The following MAPRE2 variants were observed in gnomAD, a reference collection of about 807,000 sequenced individuals.
MAPRE2 encodes microtubule associated protein RP/EB family member 2, also known as microtubule-associated protein RP/EB family member 2.
A neutral mutation model predicts 43.2 loss-of-function variants in MAPRE2; 13 were observed. The observed-to-expected ratio is 0.30, with a 90% CI of 0.20 to 0.48. The LOEUF is 0.48. MAPRE2 is among the 20% of genes least tolerant of loss of function. MAPRE2 has a pLI of 0.99. For synonymous variants in MAPRE2, 135 were observed against 148.8 expected, an observed-to-expected ratio of 0.91 and a Z score of 0.68; for missense variants, 161 against 400.2, an observed-to-expected ratio of 0.40 and a Z score of 5.10.
At position 34,985,255 on chromosome 18, in the gene MAPRE2, A is replaced by AATATATTATATT. The variant is rs1482050620; in HGVS notation, c.-70+8181_-70+8182insTTATATTATATA. On this transcript the variant is annotated intron_variant, in intron 1 of 7. Transcript: ENST00000413393. ...ATATATTATATAATATAAAATATAT[A>AATATATTATATT]ATATAATATATTATATAATATAATA... Among the ~76,000 whole-genome samples, 42 of 48,892 alleles carry AATATATTATATT rather than the reference A, an allele frequency of 8.6e-4. 2 individuals carry two copies. The highest frequency in any genetic ancestry group is 4.0e-3 in the African/African-American group (42 of 10,482). 32.1% of individuals were successfully genotyped at this position (48,892 alleles called of 152,430 possible).
chr18:35,084,221 G>T (rs1232961512), intron 2 of MAPRE2, among the ~76,000 whole-genome samples: 2 of 151,974 alleles, frequency 1.3e-5, no homozygotes, highest in Non-Finnish European at 2.9e-5. Context: ...TTGCAGTGAG[G>T]CAAGATTGTG....
chr18:35,102,044 G>A lies in MAPRE2; in HGVS notation c.495G>A (p.Lys165=), dbSNP rs1027318156. 12 of 1,613,340 alleles carry A rather than the reference G, an allele frequency of 7.4e-6. No individual in the cohort carries two copies. The Admixed American group carries it at 1.0e-4, about 13-fold the overall frequency. Residue 165 remains lysine, a synonymous_variant, in exon 4 of 7, where the codon AAG becomes AAA. Transcript: ENST00000300249. ...TCTATGATGCTAACTACGATGGGAA[G>A]GAGTATGATCCTGTAGAGGCACGAC... The part of the protein sequence containing the change: ...KKFYDANYDG[K]EYDPVEARQG...
At chr18:34,995,450 G>A (rs2150576341) in intron 1 of MAPRE2, among the ~76,000 whole-genome samples, 2 of 152,312 alleles carry the variant, frequency 1.3e-5, no homozygotes, top group African/African-American at 4.8e-5. Flanking sequence ...TCCAGAGACA[G>A]CCATTTGAGT....
At chr18:35,058,867 A>T (rs181456097) in intron 1 of MAPRE2, among the ~76,000 whole-genome samples, 15 of 152,292 alleles carry the variant, frequency 9.8e-5, no homozygotes, top group African/African-American at 2.9e-4. Flanking sequence ...CATGACATAA[A>T]CACAAGAGCA....
At chr18:34,998,327 T>C (rs1267243247) in intron 1 of MAPRE2, among the ~76,000 whole-genome samples, 1 of 144,278 alleles carries the variant, frequency 6.9e-6, no homozygotes, top group East Asian at 2.0e-4. Context: ...CTCTCTCTTT[T>C]TTTTTTTTTT....
chr18:35,005,789 T>G (rs1337736103), intron 2 of MAPRE2, among the ~76,000 whole-genome samples: 2 of 152,224 alleles, frequency 1.3e-5, no homozygotes, highest in Non-Finnish European at 2.9e-5. Flanking sequence ...GTCAAGCCAA[T>G]TAATTAAAGT....
chr18:35,060,555 C>T (rs374012454), intron 1 of MAPRE2, among the ~76,000 whole-genome samples: 54 of 152,242 alleles, frequency 3.5e-4, no homozygotes, highest in Non-Finnish European at 6.5e-4. Context: ...TATCCATGGA[C>T]GTTATGAATG....
At chr18:35,000,906 G>T (rs1486225323) in intron 1 of MAPRE2, among the ~76,000 whole-genome samples, 1 of 152,166 alleles carries the variant, frequency 6.6e-6, no homozygotes, top group African/African-American at 2.4e-5. Flanking sequence ...CAGAACACCT[G>T]CCTTGTCATC....
At chr18:35,050,063 T>TTCA (rs1905857023) in intron 1 of MAPRE2, among the ~76,000 whole-genome samples, 1 of 152,202 alleles carries the variant, frequency 6.6e-6, no homozygotes, top group Non-Finnish European at 1.5e-5. Context: ...AGATCATATA[T>TTCA]TCATACTTTA....
At position 35,142,025 on chromosome 18, in the gene MAPRE2, T is replaced by C. The variant is rs890115414; in HGVS notation, c.*1656T>C. The C allele has an allele frequency of 2.6e-5, 4 of 152,236 alleles. No homozygotes were observed. The highest frequency in any genetic ancestry group is 4.8e-5 in the African/African-American group (2 of 41,442). The allele number at this position is 152,236 out of a possible 1,614,324, so 9.4% of individuals were successfully genotyped here. On this transcript the variant is annotated 3_prime_UTR_variant, in exon 7 of 7. Transcript: ENST00000300249. ...TATTTTTCAGATTATTACAACACAC[T>C]GTGCAGAATTAGACAGATGTTCCGT...
chr18:35,114,210 C>G (rs1909307916), intron 4 of MAPRE2, among the ~76,000 whole-genome samples: 1 of 152,256 alleles, frequency 6.6e-6, no homozygotes, highest in Non-Finnish European at 1.5e-5. Context: ...CTCCTCTTAC[C>G]TCCTCCCCAC....
At chr18:35,078,865 A>G (rs1287636843) in intron 2 of MAPRE2, among the ~76,000 whole-genome samples, 1 of 152,214 alleles carries the variant, frequency 6.6e-6, no homozygotes, top group Non-Finnish European at 1.5e-5. Context: ...TACCAAAAGT[A>G]ACGAGACAGA....
rs1910613199 is a variant in MAPRE2, at chr18:35,141,090, A to T, written c.*721A>T. 1 of 152,230 alleles carries T rather than the reference A, an allele frequency of 6.6e-6. No individual in the cohort carries two copies. The allele number at this position is 152,230 out of a possible 1,614,324, so 9.4% of individuals were successfully genotyped here. On this transcript the variant is annotated 3_prime_UTR_variant, in exon 7 of 7. Transcript: ENST00000300249. ...AACACCATCTCAACTTTGCCCGCTCACCATGTCCCTTGCCCCCATGTAGCC... is the reference window on the plus strand; with the variant it reads ...AACACCATCTCAACTTTGCCCGCTCTCCATGTCCCTTGCCCCCATGTAGCC...
intron 1 of MAPRE2, among the ~76,000 whole-genome samples, chr18:34,986,136 C>A (rs1035262272): frequency 1.3e-5 from 2 of 151,890 alleles, no homozygotes; most frequent in Admixed American, 6.6e-5. Flanking sequence ...TGAGTAGATT[C>A]CTTTGTTTTG....
At chr18:34,993,706 G>A (rs2097024972) in intron 1 of MAPRE2, among the ~76,000 whole-genome samples, 1 of 152,146 alleles carries the variant, frequency 6.6e-6, no homozygotes, top group South Asian at 2.1e-4. Flanking sequence ...CCAGGCCGTG[G>A]TGTTACTGTA....
chr18:35,094,927 T>A (rs1487267197), intron 2 of MAPRE2, among the ~76,000 whole-genome samples: 1 of 152,184 alleles, frequency 6.6e-6, no homozygotes, highest in Non-Finnish European at 1.5e-5. Flanking sequence ...GCCTTCATCC[T>A]TATTGTTGTG....
chr18:35,138,449 C>T (rs1910486925), intron 6 of MAPRE2, among the ~76,000 whole-genome samples: 1 of 152,022 alleles, frequency 6.6e-6, no homozygotes, highest in Admixed American at 6.6e-5. Flanking sequence ...AGAGACAATG[C>T]CAGATTTTTC....
chr18:35,124,660 G>A (rs527882215), intron 4 of MAPRE2, among the ~76,000 whole-genome samples: 2 of 151,982 alleles, frequency 1.3e-5, no homozygotes, highest in African/African-American at 2.4e-5. Context: ...GGTAGTCTTC[G>A]CACTGCTTTC....
chr18:35,128,924 C>T (rs1910024333), intron 5 of MAPRE2, among the ~76,000 whole-genome samples: 1 of 152,140 alleles, frequency 6.6e-6, no homozygotes, highest in Admixed American at 6.5e-5. Flanking sequence ...TGGCTGTAGG[C>T]TCCCGCTAGC....
Sources: gnomAD v4.1 joint callset for allele counts (sites outside exome capture counted in the v4.1 genomes callset) on GRCh38, gnomAD v4.1.1 for gene constraint, MANE v1.5 for transcripts, NCBI Gene and HGNC (gene_info 2026-07-23, HGNC 2026-07-21) for gene names.